KIAA1549L: variants seen among roughly 807,000 people sequenced by gnomAD.
KIAA1549L encodes KIAA1549 like.
A neutral mutation model predicts 160.7 loss-of-function variants in KIAA1549L; 88 were observed. The ratio of observed to expected loss-of-function variants is 0.55; its 90% CI spans 0.46 to 0.65. The LOEUF (loss-of-function observed/expected upper bound fraction) is 0.65. Ranked by LOEUF, KIAA1549L falls within the 30% of genes least tolerant of loss-of-function variation. The pLI is 0.00. For synonymous variants in KIAA1549L, 950 were observed against 976.7 expected (o/e 0.97, Z 0.51); for missense variants, 2,258 against 2,437.5 (o/e 0.93, Z 1.55).
intron 8 of KIAA1549L, among the ~76,000 whole-genome samples, chr11:33,564,514 A>T (rs1212134466): frequency 6.6e-6 from 1 of 152,258 alleles, no homozygotes; most frequent in Admixed American, 6.5e-5. Flanking sequence ...GTCTCTTTAC[A>T]GAGAACCTAG....
rs1168043080 is a variant in KIAA1549L, at chr11:33,435,816, G to GTGTATATATATATATA, written c.238+58942_238+58943insATGTATATATATATAT. On this transcript the variant is annotated intron_variant, in intron 1 of 20. Transcript: ENST00000658780. ...TATATATATATATATATATATGTGT[G>GTGTATATATATATATA]TGTATATATATATATGTATATGTAT... Among the ~76,000 whole-genome samples, 117 of 39,542 alleles carry GTGTATATATATATATA rather than the reference G, an allele frequency of 3.0e-3. 7 individuals are homozygous for GTGTATATATATATATA. The highest frequency in any genetic ancestry group is 0.017 in the Middle Eastern group (1 of 60). The allele number at this position is 39,542 out of a possible 152,430, so 25.9% of individuals were successfully genotyped here. A position where few individuals can be genotyped will look rare whatever the true frequency, so the allele number is the denominator to read the frequency against.
chr11:33,639,782 C>T (rs779774384), intron 16 of KIAA1549L, among the ~76,000 whole-genome samples: 8 of 152,138 alleles, frequency 5.3e-5, no homozygotes, highest in African/African-American at 9.7e-5. Flanking sequence ...TCAAATGATC[C>T]GCCCGCCTTG....
chr11:33,544,631 TA>T, intron 2 of KIAA1549L, 135 bp from the exon 3 acceptor site: 1 of 1,173,028 alleles, frequency 8.5e-7, no homozygotes, highest in Non-Finnish European at 1.2e-6. Context: ...TTGTTTTGCC[TA>T]AGTTCTGTCC....
At chr11:33,471,908 G>T (rs377530483) in intron 1 of KIAA1549L, among the ~76,000 whole-genome samples, 10 of 152,342 alleles carry the variant, frequency 6.6e-5, no homozygotes, top group Non-Finnish European at 1.2e-4. Flanking sequence ...TCTCATGGAA[G>T]TAAGCAGACA....
chr11:33,394,022 G>C (rs1356508995), intron 1 of KIAA1549L, among the ~76,000 whole-genome samples: 1 of 152,148 alleles, frequency 6.6e-6, no homozygotes, highest in Non-Finnish European at 1.5e-5. Context: ...CGGTGGGATG[G>C]AGTACAGGCA....
At chr11:33,609,639 G>A (rs1850594117) in intron 14 of KIAA1549L, 110 bp from the exon 15 acceptor site, 2 of 816,614 alleles carry the variant, frequency 2.4e-6, no homozygotes, top group African/African-American at 1.7e-5. Context: ...CAGAGGCCCG[G>A]AGGTGATGCC....
At chr11:33,498,440 G>A (rs1332458047) in intron 1 of KIAA1549L, among the ~76,000 whole-genome samples, 2 of 152,190 alleles carry the variant, frequency 1.3e-5, no homozygotes, top group African/African-American at 2.4e-5. Context: ...GGGCACAGGG[G>A]AGATGGCTAG....
intron 1 of KIAA1549L, among the ~76,000 whole-genome samples, chr11:33,446,549 G>C (rs1258455275): frequency 6.6e-6 from 1 of 152,160 alleles, no homozygotes; most frequent in Non-Finnish European, 1.5e-5. Flanking sequence ...AGTTTCTGCA[G>C]GTCAGGAATT....
chr11:33,404,777 A>C (rs1199991813), intron 1 of KIAA1549L, among the ~76,000 whole-genome samples: 1 of 152,112 alleles, frequency 6.6e-6, no homozygotes, highest in Non-Finnish European at 1.5e-5. Context: ...TGGGAGGCTG[A>C]GGCAGGCGGA....
intron 1 of KIAA1549L, among the ~76,000 whole-genome samples, chr11:33,474,784 G>C (rs1852250366): frequency 6.6e-6 from 1 of 152,208 alleles, no homozygotes; most frequent in South Asian, 2.1e-4. Context: ...CAAACGAAAT[G>C]GCTGCAGCCT....
chr11:33,651,205 TAGTC>T (rs1455162639), intron 17 of KIAA1549L, among the ~76,000 whole-genome samples: 1 of 152,124 alleles, frequency 6.6e-6, no homozygotes, highest in Admixed American at 6.6e-5. Flanking sequence ...CTGATAAGAA[TAGTC>T]AGGCGGATCA....
intron 11 of KIAA1549L, 22 bp downstream of exon 11, chr11:33,583,523 A>AG: frequency 6.4e-7 from 1 of 1,556,308 alleles, no homozygotes; most frequent in Non-Finnish European, 8.7e-7. Context: ...TGGTGGGGAG[A>AG]GGGGCAGGAG....
intron 1 of KIAA1549L, among the ~76,000 whole-genome samples, chr11:33,515,869 T>G (rs1169636044): frequency 6.6e-6 from 1 of 152,184 alleles, no homozygotes; most frequent in African/African-American, 2.4e-5. Context: ...CTAGTTCTGG[T>G]GCTAGACCTT....
intron 1 of KIAA1549L, among the ~76,000 whole-genome samples, chr11:33,440,404 A>G (rs1320345084): frequency 6.6e-6 from 1 of 152,000 alleles, no homozygotes; most frequent in African/African-American, 2.4e-5. Context: ...TGCTGGGATT[A>G]CAGGCGTGAG....
intron 1 of KIAA1549L, among the ~76,000 whole-genome samples, chr11:33,392,057 C>T (rs1354500787): frequency 2.6e-5 from 4 of 152,122 alleles, no homozygotes; most frequent in Admixed American, 1.3e-4. Flanking sequence ...AGTTCTTGCC[C>T]ATTTTGCTTG....
intron 1 of KIAA1549L, among the ~76,000 whole-genome samples, chr11:33,435,816 G>GTGTGTGTGTGTATATATATATATATA (rs1554976827): frequency 5.1e-5 from 2 of 39,562 alleles, no homozygotes; most frequent in African/African-American, 3.2e-4. Context: ...ATATATGTGT[G>GTGTGTGTGTGTATATATATATATATA]TGTATATATA....
rs191020111 is a variant in KIAA1549L at position 33,639,326 on chromosome 11, C to G, written c.5410-6360C>G. On this transcript the variant is annotated intron_variant, in intron 16 of 20. Coordinates refer to ENST00000658780, the MANE Select transcript of KIAA1549L (RefSeq NM_012194.3). ...ATTAAAAGAATTCCAGGTGCTTCCT[C>G]TATCCAATGGCCACCATGAAGCGCA... Among the ~76,000 whole-genome samples the G allele has an allele frequency of 1.2e-3, 177 of 152,260 alleles. 1 individual carries two copies. The highest frequency in any genetic ancestry group is 1.9e-3 in the Non-Finnish European group (132 of 68,016).
Position 33,543,246 on chromosome 11 carries a change from A to G in KIAA1549L, c.1683A>G (p.Lys561=). ...CATCTTGGACATTTCCCCGGTGGAA[A>G]AAGGACAGTGTGACAGCCATTTTAG... is the stretch of plus-strand genomic sequence containing the variant. ...LSTSWTFPRW[K]KDSVTAILGK... The change falls in exon 2 of 21, where the codon AAA becomes AAG. Residue 561 remains lysine, a synonymous_variant. Coordinates refer to ENST00000658780, the MANE Select transcript of KIAA1549L (RefSeq NM_012194.3). 5.6e-6 allele frequency: 9 copies of G among 1,613,362 alleles called. No individual in the cohort carries two copies. Among genetic ancestry groups the G allele is most frequent in the Non-Finnish European group, 6.8e-6 (8 of 1,179,220 alleles).
At chr11:33,635,177 T>G (rs1851406450) in intron 16 of KIAA1549L, among the ~76,000 whole-genome samples, 1 of 152,188 alleles carries the variant, frequency 6.6e-6, no homozygotes, top group South Asian at 2.1e-4. Context: ...GAAGCAACTT[T>G]CTAAATATGT....
Sources: allele counts gnomAD v4.1 joint callset (sites outside exome capture counted in the v4.1 genomes callset), GRCh38; gene constraint gnomAD v4.1.1; transcripts MANE v1.5; gene names NCBI Gene and HGNC (gene_info 2026-07-23, HGNC 2026-07-21).